COLEC11: variants seen among roughly 807,000 people sequenced by gnomAD.
COLEC11 encodes the protein collectin subfamily member 11.
Under a neutral mutation model 27.3 loss-of-function variants are expected in COLEC11, and 20 were observed. The observed-to-expected ratio is 0.73, with a 90% CI of 0.51 to 1.06. COLEC11 has a LOEUF of 1.06. Ranked by LOEUF, COLEC11 falls within the 50% of genes least tolerant of loss-of-function variation. COLEC11 has a pLI of 0.00. For missense variants in COLEC11, 310 were observed against 383.0 expected (o/e 0.81, Z 1.59); for synonymous variants, 163 against 154.7 (o/e 1.05, Z -0.40).
chr2:3,615,944 TGC>T (rs2147892147), intron 3 of COLEC11, among the ~76,000 whole-genome samples: 1 of 89,858 alleles, frequency 1.1e-5, no homozygotes, highest in Non-Finnish European at 2.8e-5. Flanking sequence ...CGGGTGGAGA[TGC>T]TCCTCACTTC....
chr2:3,613,439 C>T, intron 3 of COLEC11, 57 bp downstream of exon 3: 1 of 1,531,036 alleles, frequency 6.5e-7, no homozygotes, highest in Non-Finnish European at 8.9e-7. Context: ...ACCGCTCCTG[C>T]TAGAGCCGGG....
intron 1 of COLEC11, among the ~76,000 whole-genome samples, chr2:3,599,392 A>G (rs1662068708): frequency 6.6e-6 from 1 of 152,210 alleles, no homozygotes; most frequent in African/African-American, 2.4e-5. Flanking sequence ...TGACTGACGC[A>G]GAGGCACTGT....
intron 3 of COLEC11, among the ~76,000 whole-genome samples, chr2:3,628,425 C>G (rs1210010800): frequency 6.6e-6 from 1 of 152,274 alleles, no homozygotes; most frequent in Non-Finnish European, 1.5e-5. Flanking sequence ...AGACCCTGCA[C>G]TGGTCTTAAC....
intron 2 of COLEC11, among the ~76,000 whole-genome samples, chr2:3,613,013 G>A (rs933134328): frequency 9.6e-5 from 14 of 145,520 alleles, no homozygotes; most frequent in African/African-American, 3.7e-4. Flanking sequence ...GCGTTTAGAC[G>A]CGGCACTGTG....
intron 5 of COLEC11, among the ~76,000 whole-genome samples, chr2:3,641,883 C>T (rs1200652170): frequency 2.6e-5 from 4 of 152,178 alleles, no homozygotes; most frequent in Non-Finnish European, 5.9e-5. Flanking sequence ...CCCACCCGCA[C>T]ACCGCAGCGA....
At chr2:3,603,892 C>T (rs2147853587) in intron 1 of COLEC11, 1 of 590,286 alleles carries the variant, frequency 1.7e-6, no homozygotes, top group Non-Finnish European at 3.0e-6. Context: ...TCCTCAGGCG[C>T]CTTGGCTGTT....
At position 3,613,362 on chromosome 2, in the gene COLEC11, T is replaced by C. The variant is rs755949996; in HGVS notation, c.182T>C (p.Val61Ala). 1.2e-5 allele frequency: 20 copies of C among 1,603,468 alleles called. No homozygotes were observed. In the South Asian group the frequency reaches 2.2e-4, roughly 18 times the overall value. The stretch of plus-strand genomic sequence containing the variant: ...GGCGCCCCCGGACGGCCTGGAAGAG[T>C]CGGCCCCACGGGAGAAAAAGGTACC... ...DKGAPGRPGR[V>A]GPTGEKGDMG... Residue 61 changes from valine to alanine, a missense_variant, in exon 3 of 7, where the codon GTC becomes GCC. Val to Ala is a moderately conservative substitution (Grantham distance 64). Coordinates refer to ENST00000349077, the MANE Select transcript of COLEC11 (RefSeq NM_024027.5).
At chr2:3,620,009 T>C (rs1664067983) in intron 3 of COLEC11, among the ~76,000 whole-genome samples, 1 of 152,366 alleles carries the variant, frequency 6.6e-6, no homozygotes, top group Non-Finnish European at 1.5e-5. Flanking sequence ...ATCAGGGATA[T>C]TGGCCTGTAA....
chr2:3,604,566 G>A, intron 2 of COLEC11, 96 bp downstream of exon 2: 1 of 1,405,752 alleles, frequency 7.1e-7, no homozygotes, highest in Non-Finnish European at 1.0e-6. Context: ...AAAGCACAAA[G>A]CCCCAGCAAA....
intron 2 of COLEC11, chr2:3,606,141 G>A: frequency 6.4e-7 from 1 of 1,550,572 alleles, no homozygotes; most frequent in South Asian, 1.2e-5. Context: ...GGTTGGAAAC[G>A]GTGGCTGTGG....
chr2:3,603,504 A>G (rs963858124), intron 1 of COLEC11: 35 of 720,462 alleles, frequency 4.9e-5, no homozygotes, highest in Admixed American at 6.3e-5. Context: ...TTTAGAAGAC[A>G]TGCGGTTTCA....
chr2:3,613,168 C>CGGGGGGGG, intron 2 of COLEC11, 143 bp from the exon 3 acceptor site: 1 of 836,702 alleles, frequency 1.2e-6, no homozygotes. Context: ...GGGCTGCAGG[C>CGGGGGGGG]GGGGAGGGAG....
chr2:3,631,712 A>AG (rs997002244), intron 3 of COLEC11, among the ~76,000 whole-genome samples: 1 of 150,482 alleles, frequency 6.6e-6, no homozygotes, highest in Non-Finnish European at 1.5e-5. Context: ...CTCTGCTCGG[A>AG]GGGGGCCCCT....
rs1461288131 is a variant in COLEC11, at chr2:3,613,976, C to CTTTTTTTTT, written c.202+597_202+598insTTTTTTTTT. Among the ~76,000 whole-genome samples the CTTTTTTTTT allele has an allele frequency of 5.4e-3, 496 of 91,106 alleles. 7 individuals carry two copies. Among genetic ancestry groups the CTTTTTTTTT allele is most frequent in the African/African-American group, 0.016 (474 of 28,734 alleles). The allele number at this position is 91,106 out of a possible 152,430, so 59.8% of individuals were successfully genotyped here. A position where few individuals can be genotyped will look rare whatever the true frequency, so the allele number is the denominator to read the frequency against. On this transcript the variant is annotated intron_variant, in intron 3 of 6. Coordinates refer to ENST00000349077, the MANE Select transcript of COLEC11 (RefSeq NM_024027.5). ...AAGTGTTTTTTCTTTTTCTTTCTTT[C>CTTTTTTTTT]TTTCTTTTTTTTTTTTTTGAGACTG... is the stretch of plus-strand genomic sequence containing the variant.
chr2:3,633,399 G>A (rs575718839), intron 3 of COLEC11, among the ~76,000 whole-genome samples: 2 of 152,236 alleles, frequency 1.3e-5, no homozygotes, highest in Non-Finnish European at 2.9e-5. Context: ...TGAATCACAC[G>A]GCCAGATGTT....
intron 2 of COLEC11, among the ~76,000 whole-genome samples, chr2:3,610,854 G>A (rs918992777): frequency 5.3e-5 from 8 of 152,102 alleles, no homozygotes; most frequent in Admixed American, 3.9e-4. Flanking sequence ...TCTTGCGTCC[G>A]GTGTTGCTAA....
intron 5 of COLEC11, chr2:3,641,280 G>A (rs777722718): frequency 2.3e-6 from 3 of 1,304,046 alleles, no homozygotes; most frequent in African/African-American, 1.5e-5. Flanking sequence ...CGGCTGCTTG[G>A]AAGGTGTGCT....
chr2:3,632,696 T>C (rs1665106960), intron 3 of COLEC11, among the ~76,000 whole-genome samples: 1 of 152,204 alleles, frequency 6.6e-6, no homozygotes, highest in Non-Finnish European at 1.5e-5. Context: ...GTTGTGAAGC[T>C]GAAATCAGCG....
chr2:3,619,941 A>C (rs1002932318), intron 3 of COLEC11, among the ~76,000 whole-genome samples: 3 of 152,110 alleles, frequency 2.0e-5, no homozygotes, highest in Admixed American at 6.6e-5. Flanking sequence ...TAATCTTTTT[A>C]ATGTGCTGTT....
Sources: gnomAD v4.1 joint callset for allele counts (sites outside exome capture counted in the v4.1 genomes callset) on GRCh38, gnomAD v4.1.1 for gene constraint, MANE v1.5 for transcripts, NCBI Gene and HGNC (gene_info 2026-07-23, HGNC 2026-07-21) for gene names.